The following PARD3B variants were observed in gnomAD, a reference collection of about 807,000 sequenced individuals.
PARD3B encodes partitioning defective 3 homolog B.
PARD3B carries 103 observed loss-of-function variants against 130.2 expected under a neutral mutation model. The ratio of observed to expected loss-of-function variants is 0.79; its 90% CI spans 0.67 to 0.93. The LOEUF (loss-of-function observed/expected upper bound fraction) is 0.93. PARD3B is among the 40% of genes least tolerant of loss of function. The pLI is 0.00. For missense variants in PARD3B, 1,609 were observed against 1,499.2 expected, an observed-to-expected ratio of 1.07 and a Z score of -1.21; for synonymous variants, 583 against 553.2, an observed-to-expected ratio of 1.05 and a Z score of -0.76.
chr2:205,602,844 T>G (rs953615544), intron 22 of PARD3B, among the ~76,000 whole-genome samples: 5 of 152,148 alleles, frequency 3.3e-5, no homozygotes, highest in Non-Finnish European at 5.9e-5. Flanking sequence ...TGAAAGGTTT[T>G]TCATGTCTCT....
intron 10 of PARD3B, among the ~76,000 whole-genome samples, chr2:205,149,832 T>C (rs1253891451): frequency 6.6e-6 from 1 of 152,148 alleles, no homozygotes; most frequent in South Asian, 2.1e-4. Context: ...CAGGTAACAT[T>C]TGGCAATGTC....
At position 205,072,694 on chromosome 2, in the gene PARD3B, A is replaced by G. The variant is rs572188284; in HGVS notation, c.504+25004A>G. 2.0e-5 allele frequency among the ~76,000 whole-genome samples: 3 copies of G among 152,348 alleles called. No individual in the cohort carries two copies. In the East Asian group the frequency reaches 5.8e-4, roughly 29 times the overall value. ...ATTTTAAATAGAAAAATTGAAAATA[A>G]TGAGGAAGAAAATAATATCCTTCTC... On this transcript the variant is annotated intron_variant, in intron 4 of 22. Coordinates refer to ENST00000406610, the MANE Select transcript of PARD3B (RefSeq NM_001302769.2).
chr2:205,141,715 C>T (rs1182800671), intron 10 of PARD3B, among the ~76,000 whole-genome samples: 5 of 152,162 alleles, frequency 3.3e-5, no homozygotes, highest in Non-Finnish European at 1.5e-5. Flanking sequence ...CACTTTGTTA[C>T]TGTAGATATG....
At chr2:204,827,946 T>G (rs2043651161) in intron 2 of PARD3B, among the ~76,000 whole-genome samples, 1 of 152,204 alleles carries the variant, frequency 6.6e-6, no homozygotes, top group South Asian at 2.1e-4. Flanking sequence ...AAGCCCAGTT[T>G]TATGATCTTA....
chr2:204,812,586 G>A (rs2043000372), intron 2 of PARD3B, among the ~76,000 whole-genome samples: 1 of 152,148 alleles, frequency 6.6e-6, no homozygotes, highest in African/African-American at 2.4e-5. Context: ...TGGCCTGCCA[G>A]CACTTGGGAG....
rs568162901 is a variant in PARD3B at position 205,158,138 on chromosome 2, A to T, written c.1435-584A>T. Among the ~76,000 whole-genome samples, 1 of 152,346 alleles carries T rather than the reference A, an allele frequency of 6.6e-6. No homozygotes were observed. The highest frequency in any genetic ancestry group is 2.4e-5 in the African/African-American group (1 of 41,582). ...TTTTGACAAAGTGAAATTTCATTTG[A>T]TGATATCCATTATAAATCGTTTTTC... On this transcript the variant is annotated intron_variant, in intron 10 of 22. Coordinates refer to ENST00000406610, the MANE Select transcript of PARD3B (RefSeq NM_001302769.2). The surrounding 1 kb of genome is among the most constrained non-coding windows in gnomAD (Gnocchi z 5.4).
chr2:204,870,220 A>C (rs531644090), intron 2 of PARD3B, among the ~76,000 whole-genome samples: 1 of 152,294 alleles, frequency 6.6e-6, no homozygotes, highest in Admixed American at 6.5e-5. Context: ...CAGTAAACTT[A>C]AGTATGCTGT....
chr2:205,117,057 T>A (rs1401574554), intron 6 of PARD3B, among the ~76,000 whole-genome samples: 1 of 151,190 alleles, frequency 6.6e-6, no homozygotes, highest in African/African-American at 2.5e-5. Context: ...GTTAAAAAAA[T>A]ATCACTTACA....
chr2:205,350,705 T>G (rs554840542), intron 18 of PARD3B, among the ~76,000 whole-genome samples: 1 of 152,178 alleles, frequency 6.6e-6, no homozygotes, highest in Non-Finnish European at 1.5e-5. Context: ...ATTTCTACTT[T>G]TCTATAATCC....
chr2:205,604,851 C>T (rs1485365849), intron 22 of PARD3B, among the ~76,000 whole-genome samples: 1 of 152,176 alleles, frequency 6.6e-6, no homozygotes, highest in Non-Finnish European at 1.5e-5. Context: ...CCTAATTAGT[C>T]ATAGGTTCAG....
chr2:205,609,411 G>A (rs1207861235), intron 22 of PARD3B, among the ~76,000 whole-genome samples: 1 of 152,178 alleles, frequency 6.6e-6, no homozygotes, highest in Admixed American at 6.5e-5. Flanking sequence ...TCTGCCAGAT[G>A]TCGACTTTCT....
chr2:205,296,954 G>A (rs2041820992), intron 16 of PARD3B, among the ~76,000 whole-genome samples: 1 of 151,758 alleles, frequency 6.6e-6, no homozygotes, highest in South Asian at 2.1e-4. Context: ...CATTAAGAAT[G>A]TTTTTATTAT....
At chr2:204,745,839 A>G (rs1341580038) in intron 2 of PARD3B, among the ~76,000 whole-genome samples, 1 of 151,838 alleles carries the variant, frequency 6.6e-6, no homozygotes, top group African/African-American at 2.4e-5. Flanking sequence ...AGCACTATTC[A>G]CTTGCTGAAT....
intron 18 of PARD3B, among the ~76,000 whole-genome samples, chr2:205,350,577 T>C (rs2043962220): frequency 6.6e-6 from 1 of 152,214 alleles, no homozygotes; most frequent in South Asian, 2.1e-4. Flanking sequence ...ATGAGCACTT[T>C]CCAAAATAGT....
intron 1 of PARD3B, among the ~76,000 whole-genome samples, chr2:204,643,344 A>G (rs983893817): frequency 1.3e-5 from 2 of 151,678 alleles, no homozygotes; most frequent in Non-Finnish European, 2.9e-5. Flanking sequence ...CTAACTCCCC[A>G]TTGCCTTCCA....
At chr2:205,354,793 A>G (rs1006808030) in intron 18 of PARD3B, among the ~76,000 whole-genome samples, 1 of 152,192 alleles carries the variant, frequency 6.6e-6, no homozygotes, top group African/African-American at 2.4e-5. Flanking sequence ...AGCTTACAAT[A>G]GATTTGATTG....
chr2:204,552,760 T>C (rs568514134), intron 1 of PARD3B, among the ~76,000 whole-genome samples: 14 of 152,342 alleles, frequency 9.2e-5, no homozygotes, highest in Non-Finnish European at 1.8e-4. Flanking sequence ...TAGGGTGTCC[T>C]TTCCCCACTT....
At position 204,908,412 on chromosome 2, in the gene PARD3B, C is replaced by A. The variant is rs533966290; in HGVS notation, c.223-56740C>A. Among the ~76,000 whole-genome samples the A allele has an allele frequency of 2.0e-5, 3 of 152,248 alleles. No individual in the cohort carries two copies. In the South Asian group the frequency reaches 6.2e-4, roughly 32 times the overall value. On this transcript the variant is annotated intron_variant, in intron 2 of 22. Transcript: ENST00000406610. ...CCCAAATACCACATTTATTTCTTGA[C>A]CATTGTTTTTGTCATCAGGCTTAGT... is the stretch of plus-strand genomic sequence containing the variant.
intron 22 of PARD3B, among the ~76,000 whole-genome samples, chr2:205,569,586 G>T (rs1037375060): frequency 6.6e-6 from 1 of 152,172 alleles, no homozygotes; most frequent in East Asian, 1.9e-4. Context: ...AACACATGGT[G>T]GTCTAGACAC....
Sources: gnomAD v4.1 joint callset for allele counts (sites outside exome capture counted in the v4.1 genomes callset) on GRCh38, gnomAD v4.1.1 for gene constraint, Gnocchi (gnomAD v3.1) non-coding constraint, MANE v1.5 for transcripts, NCBI Gene and HGNC (gene_info 2026-07-23, HGNC 2026-07-21) for gene names.